The following SAMD12 variants were observed in gnomAD, a reference collection of about 807,000 sequenced individuals.
SAMD12 encodes the protein sterile alpha motif domain containing 12.
SAMD12 carries 9 observed loss-of-function variants against 15.0 expected under a neutral mutation model. That is an observed-to-expected ratio of 0.60 (90% CI 0.36 to 1.05). The LOEUF (loss-of-function observed/expected upper bound fraction) is 1.05. SAMD12 is among the 50% of genes least tolerant of loss of function. The pLI is 0.01. For missense variants in SAMD12, 230 were observed against 234.2 expected (o/e 0.98, Z 0.12); for synonymous variants, 86 against 90.1 (o/e 0.96, Z 0.25).
chr8:118,196,268 G>A (rs1250759763), exon 5 of SAMD12: 1 of 152,196 alleles, frequency 6.6e-6, no homozygotes, highest in African/African-American at 2.4e-5. Context: ...TTCCAGAACT[G>A]GTTACCCATA....
intron 1 of SAMD12, among the ~76,000 whole-genome samples, chr8:118,620,428 T>C (rs1223157016): frequency 2.9e-5 from 4 of 138,232 alleles, no homozygotes; most frequent in Non-Finnish European, 1.5e-5. Context: ...AAAAAAAAGA[T>C]TCTCACCCTA....
intron 4 of SAMD12, among the ~76,000 whole-genome samples, chr8:118,318,353 T>G (rs202128559): frequency 1.1e-5 from 1 of 87,834 alleles, no homozygotes; most frequent in East Asian, 3.1e-4. Context: ...TATATATATA[T>G]ATACATATAT....
chr8:118,293,105 A>AT lies in SAMD12; in HGVS notation c.433+86454dup, dbSNP rs34595061. Among the ~76,000 whole-genome samples the AT allele has an allele frequency of 2.3e-3, 340 of 150,838 alleles. 1 individual carries two copies. The highest frequency in any genetic ancestry group is 3.4e-3 in the Non-Finnish European group (228 of 67,692). On this transcript the variant is annotated intron_variant, in intron 4 of 4. Transcript: ENST00000409003. ...CAATAACAAACCTTGCAAATTGGGC[A>AT]TTTTTTTTTTCTTATGCTGTGTTTG...
At chr8:118,356,617 G>A (rs1321199431) in intron 4 of SAMD12, among the ~76,000 whole-genome samples, 1 of 152,144 alleles carries the variant, frequency 6.6e-6, no homozygotes, top group Non-Finnish European at 1.5e-5. Context: ...GCACCACTCC[G>A]ATGGCATACT....
chr8:118,139,875 C>T, the SAMD12 span, among the ~76,000 whole-genome samples: 2 of 152,200 alleles, frequency 1.3e-5, no homozygotes, highest in East Asian at 1.9e-4. Context: ...CCACTCAATC[C>T]TCTAGGGTGA....
At chr8:118,410,330 T>A (rs1213975770) in intron 3 of SAMD12, among the ~76,000 whole-genome samples, 1 of 152,182 alleles carries the variant, frequency 6.6e-6, no homozygotes, top group East Asian at 1.9e-4. Flanking sequence ...AGTCCAGATA[T>A]TTTTCCAAGG....
the SAMD12 span, among the ~76,000 whole-genome samples, chr8:118,171,479 A>G: frequency 0.029 from 4,396 of 152,326 alleles, 207 homozygotes; most frequent in African/African-American, 0.097. Flanking sequence ...CAGTATATCC[A>G]TACAGTGAAG....
chr8:118,498,840 G>T (rs1824700090), intron 2 of SAMD12, among the ~76,000 whole-genome samples: 1 of 152,184 alleles, frequency 6.6e-6, no homozygotes, highest in Non-Finnish European at 1.5e-5. Flanking sequence ...ATGGTAGATA[G>T]ACCTAGAGGA....
At chr8:118,163,250 T>G in the SAMD12 span, among the ~76,000 whole-genome samples, 3 of 152,138 alleles carry the variant, frequency 2.0e-5, no homozygotes, top group Middle Eastern at 0.01. Flanking sequence ...TGGCTAACTT[T>G]TATATGTTTT....
chr8:118,480,038 A>G (rs2515010), intron 2 of SAMD12, among the ~76,000 whole-genome samples: 138,891 of 152,270 alleles, frequency 0.91, 63,498 homozygotes, highest in Admixed American at 0.94. Flanking sequence ...CATATAAAAC[A>G]AAGAAAAAAT....
chr8:118,499,513 T>C (rs1824717394), intron 2 of SAMD12, among the ~76,000 whole-genome samples: 1 of 152,216 alleles, frequency 6.6e-6, no homozygotes, highest in Non-Finnish European at 1.5e-5. Flanking sequence ...ATGGTAATAA[T>C]ACCTCTCCTG....
At position 118,543,393 on chromosome 8, in the gene SAMD12, C is replaced by T. The variant is rs376298170; in HGVS notation, c.192+37322G>A. On this transcript the variant is annotated intron_variant, in intron 2 of 3. Coordinates refer to ENST00000314727, the MANE Select transcript of SAMD12 (RefSeq NM_207506.3). Reference sequence around the variant, plus strand: ...TGCCTAGTATTTCTCTGTAGAAGAGCTCCCTTCATTTCAAAGCCTAAAGTG... The same window carrying T: ...TGCCTAGTATTTCTCTGTAGAAGAGTTCCCTTCATTTCAAAGCCTAAAGTG... Among the ~76,000 whole-genome samples, 33 of 152,282 alleles carry T rather than the reference C, an allele frequency of 2.2e-4. No homozygotes were observed. In the East Asian group the frequency reaches 5.6e-3, roughly 26 times the overall value.
At chr8:118,253,661 C>A (rs1027821119) in intron 4 of SAMD12, among the ~76,000 whole-genome samples, 4 of 152,086 alleles carry the variant, frequency 2.6e-5, no homozygotes, top group African/African-American at 7.2e-5. Context: ...CTGTGCTCAG[C>A]ACGATCTCTG....
intron 1 of SAMD12, among the ~76,000 whole-genome samples, chr8:118,586,204 T>C (rs976105238): frequency 3.3e-5 from 5 of 152,212 alleles, no homozygotes; most frequent in East Asian, 1.9e-4. Flanking sequence ...TTACATCATA[T>C]GCTCTTCCTT....
chr8:118,197,662 C>G (rs1819602695), exon 5 of SAMD12: 1 of 1,523,092 alleles, frequency 6.6e-7, no homozygotes, highest in African/African-American at 1.4e-5. Flanking sequence ...AGGAACAGGC[C>G]ATGTTCATAT....
At chr8:118,596,145 T>C (rs889999047) in intron 1 of SAMD12, among the ~76,000 whole-genome samples, 2 of 152,196 alleles carry the variant, frequency 1.3e-5, no homozygotes, top group African/African-American at 4.8e-5. Flanking sequence ...ACACTTTGTT[T>C]ACACAGCAGG....
At chr8:118,393,091 T>C (rs1820369892) in intron 3 of SAMD12, among the ~76,000 whole-genome samples, 1 of 152,244 alleles carries the variant, frequency 6.6e-6, no homozygotes, top group Admixed American at 6.5e-5. Flanking sequence ...GGCTCTTTTC[T>C]ACCCACTGTC....
intron 2 of SAMD12, among the ~76,000 whole-genome samples, chr8:118,505,108 G>T (rs939339490): frequency 2.6e-5 from 4 of 152,198 alleles, no homozygotes; most frequent in Non-Finnish European, 5.9e-5. Context: ...TTATACAAAG[G>T]CATACATGTG....
At position 118,474,592 on chromosome 8, in the gene SAMD12, G is replaced by A. The variant is rs575213485; in HGVS notation, c.193-34631C>T. On this transcript the variant is annotated intron_variant, in intron 2 of 3. Coordinates refer to ENST00000314727, the MANE Select transcript of SAMD12 (RefSeq NM_207506.3). ...AGTAGAAAGGGGGTTTCACCATGTT[G>A]GTCAGGCTGGTCTTGGACTCCTGAC... Among the ~76,000 whole-genome samples, 7 of 151,238 alleles carry A rather than the reference G, an allele frequency of 4.6e-5. No individual in the cohort carries two copies. The South Asian group carries it at 1.5e-3, about 32-fold the overall frequency.
Sources: allele counts gnomAD v4.1 joint callset (sites outside exome capture counted in the v4.1 genomes callset), GRCh38; gene constraint gnomAD v4.1.1; transcripts MANE v1.5; gene names NCBI Gene and HGNC (gene_info 2026-07-23, HGNC 2026-07-21).